Variants in ATP11A observed in about 807,000 individuals in gnomAD.
ATP11A encodes phospholipid-transporting ATPase IH.
ATP11A carries 81 observed loss-of-function variants against 154.4 expected under a neutral mutation model. The ratio of observed to expected loss-of-function variants is 0.52; its 90% CI spans 0.44 to 0.63. ATP11A has a LOEUF of 0.63. ATP11A is among the 30% of genes least tolerant of loss of function. ATP11A has a pLI of 0.00. For missense variants in ATP11A, 1,316 were observed against 1,474.3 expected (o/e 0.89, Z 1.76); for synonymous variants, 623 against 585.9 (o/e 1.06, Z -0.91).
At chr13:112,822,501 G>C (rs1435978321) in intron 8 of ATP11A, among the ~76,000 whole-genome samples, 1 of 152,146 alleles carries the variant, frequency 6.6e-6, no homozygotes, top group African/African-American at 2.4e-5. Flanking sequence ...GTGGCTACCA[G>C]TGTTTCTAAT....
At chr13:112,832,784 T>C in intron 13 of ATP11A, 76 bp from the exon 14 acceptor site, 1 of 1,527,200 alleles carries the variant, frequency 6.5e-7, no homozygotes, top group South Asian at 1.3e-5. Context: ...CTTCTTGTTA[T>C]CTCTCTGCGC....
chr13:112,782,781 G>A (rs1010834547), intron 1 of ATP11A, among the ~76,000 whole-genome samples: 2 of 152,208 alleles, frequency 1.3e-5, no homozygotes, highest in South Asian at 2.1e-4. Flanking sequence ...CCAGGATGAC[G>A]GTTACTGCAT....
chr13:112,710,685 C>T (rs1453738671), intron 1 of ATP11A, among the ~76,000 whole-genome samples: 1 of 152,226 alleles, frequency 6.6e-6, no homozygotes, highest in African/African-American at 2.4e-5. Flanking sequence ...AGAGCTGTCT[C>T]ATGGGGAGGG....
At chr13:112,742,602 G>A (rs561215520) in intron 1 of ATP11A, among the ~76,000 whole-genome samples, 89 of 152,360 alleles carry the variant, frequency 5.8e-4, no homozygotes, top group African/African-American at 2.0e-3. Context: ...ATAATTCTGC[G>A]AAGCTACCGC....
intron 1 of ATP11A, among the ~76,000 whole-genome samples, chr13:112,783,487 A>G (rs915407178): frequency 3.3e-5 from 5 of 152,210 alleles, no homozygotes; most frequent in Admixed American, 2.6e-4. Context: ...TCAGCGGGAA[A>G]CTGTCCCCGT....
Position 112,742,420 on chromosome 13 carries a change from G to A in ATP11A, c.40-42715G>A, listed in dbSNP as rs76271921. On this transcript the variant is annotated intron_variant, in intron 1 of 29. Coordinates refer to ENST00000375645, the MANE Select transcript of ATP11A (RefSeq NM_015205.3). ...GGGCGCTGGTCTCTGTGGGAGACTGGGGTGTGAGCACGCGGTGTCACAGGT... is the reference window on the plus strand; with the variant it reads ...GGGCGCTGGTCTCTGTGGGAGACTGAGGTGTGAGCACGCGGTGTCACAGGT... Among the ~76,000 whole-genome samples the A allele has an allele frequency of 6.1e-3, 932 of 151,620 alleles. 8 individuals are homozygous for A. Among genetic ancestry groups the A allele is most frequent in the African/African-American group, 0.022 (898 of 40,898 alleles).
chr13:112,863,244 TGCGCAGTAATTCA>T (rs1566588073), intron 25 of ATP11A, among the ~76,000 whole-genome samples: 1 of 144,838 alleles, frequency 6.9e-6, no homozygotes, highest in African/African-American at 2.5e-5. Context: ...CATCACCACC[TGCGCAGTAATTCA>T]GTGCAAACCA....
intron 1 of ATP11A, among the ~76,000 whole-genome samples, chr13:112,772,726 C>T (rs1459937764): frequency 3.9e-5 from 6 of 152,220 alleles, no homozygotes; most frequent in Admixed American, 6.5e-5. Context: ...GGACGCTTCT[C>T]GTGGATGGAG....
At chr13:112,781,694 C>G (rs562473891) in intron 1 of ATP11A, among the ~76,000 whole-genome samples, 6 of 147,790 alleles carry the variant, frequency 4.1e-5, no homozygotes, top group Admixed American at 2.8e-4. Flanking sequence ...GTTTAGTCTT[C>G]CTAGAATTTG....
intron 25 of ATP11A, among the ~76,000 whole-genome samples, chr13:112,867,059 C>T (rs906384373): frequency 0.017 from 8 of 462 alleles, no homozygotes; most frequent in Non-Finnish European, 0.089. Context: ...CTCGCGTAGC[C>T]CTTAAGAGAG....
chr13:112,855,861 T>G (rs1278724639), intron 19 of ATP11A, 50 bp from the exon 20 acceptor site: 1 of 1,515,456 alleles, frequency 6.6e-7, no homozygotes, highest in Non-Finnish European at 8.9e-7. Flanking sequence ...TCTTCTAAAA[T>G]CTATAGATTT....
chr13:112,778,850 GCTGGAGTGAGGAGTAGCCA>G (rs2077417711), intron 1 of ATP11A, among the ~76,000 whole-genome samples: 2 of 22,496 alleles, frequency 8.9e-5, no homozygotes, highest in African/African-American at 1.7e-4. Flanking sequence ...GTGAGTAGCC[GCTGGAGTGAGGAGTAGCCA>G]CTGGAGTGAG....
intron 2 of ATP11A, among the ~76,000 whole-genome samples, chr13:112,792,597 CTGTT>C (rs2077889252): frequency 6.6e-6 from 1 of 152,166 alleles, no homozygotes; most frequent in Non-Finnish European, 1.5e-5. Context: ...AACTTCTCAT[CTGTT>C]TGACGGAAGT....
intron 18 of ATP11A, among the ~76,000 whole-genome samples, chr13:112,852,898 G>A (rs775013775): frequency 9.2e-5 from 14 of 152,190 alleles, no homozygotes; most frequent in Non-Finnish European, 1.8e-4. Flanking sequence ...CTTTTGAATC[G>A]AATTGTAGGG....
chr13:112,730,125 C>T (rs1250364397), intron 1 of ATP11A, among the ~76,000 whole-genome samples: 6 of 152,196 alleles, frequency 3.9e-5, no homozygotes, highest in Admixed American at 3.9e-4. Flanking sequence ...CCCTTCGCAG[C>T]GGCCCACATA....
intron 1 of ATP11A, among the ~76,000 whole-genome samples, chr13:112,735,071 A>T (rs1456335026): frequency 2.0e-5 from 3 of 152,200 alleles, no homozygotes; most frequent in Non-Finnish European, 4.4e-5. Context: ...ATGTTAGCAG[A>T]CGTCTGGGAT....
chr13:112,764,539 C>T (rs2077031896), intron 1 of ATP11A, among the ~76,000 whole-genome samples: 1 of 152,232 alleles, frequency 6.6e-6, no homozygotes, highest in South Asian at 2.1e-4. Context: ...GGGCCCCCAC[C>T]CTGCCTCCCA....
At chr13:112,825,330 A>G in intron 10 of ATP11A, 100 bp from the exon 11 acceptor site, 3 of 1,356,840 alleles carry the variant, frequency 2.2e-6, no homozygotes, top group Non-Finnish European at 3.0e-6. Flanking sequence ...TGCCCTTCCT[A>G]TTCTGTTTCT....
chr13:112,833,895 C>A (rs991727967), intron 14 of ATP11A, among the ~76,000 whole-genome samples: 1 of 152,216 alleles, frequency 6.6e-6, no homozygotes, highest in Non-Finnish European at 1.5e-5. Flanking sequence ...TCCTCCCTGC[C>A]CTGAAGCTTT....
Sources: gnomAD v4.1 joint callset for allele counts (sites outside exome capture counted in the v4.1 genomes callset) on GRCh38, gnomAD v4.1.1 for gene constraint, MANE v1.5 for transcripts, NCBI Gene and HGNC (gene_info 2026-07-23, HGNC 2026-07-21) for gene names.